The following TRPV1 variants were observed in gnomAD, a reference collection of about 807,000 sequenced individuals.
TRPV1 encodes the protein transient receptor potential cation channel subfamily V member 1, also known as OTRPC1.
In TRPV1, 82 loss-of-function variants were observed where a neutral mutation model predicts 82.3. The ratio of observed to expected loss-of-function variants is 1.00; its 90% CI spans 0.83 to 1.20. TRPV1 has a LOEUF of 1.20. Ranked by LOEUF, TRPV1 falls within the 50% of genes most tolerant of loss-of-function variation. TRPV1 has a pLI of 0.00. For missense variants in TRPV1, 1,067 were observed against 1,096.8 expected, an observed-to-expected ratio of 0.97 and a Z score of 0.38; for synonymous variants, 515 against 467.7, an observed-to-expected ratio of 1.10 and a Z score of -1.30.
At chr17:3,593,799 G>A (rs2075190507) in intron 2 of TRPV1, among the ~76,000 whole-genome samples, 1 of 152,094 alleles carries the variant, frequency 6.6e-6, no homozygotes, top group African/African-American at 2.4e-5. Context: ...CTCCTCCTGG[G>A]CAGGGACCTT....
At chr17:3,604,928 C>A (rs1281109044) in intron 2 of TRPV1, among the ~76,000 whole-genome samples, 1 of 152,136 alleles carries the variant, frequency 6.6e-6, no homozygotes, top group African/African-American at 2.4e-5. Context: ...TCCCCTCAGG[C>A]GGGCATGCAA....
rs201927103 is a variant in TRPV1 at position 3,572,134 on chromosome 17, C to T, written c.2219G>A (p.Arg740Gln). The T allele has an allele frequency of 9.0e-5, 146 of 1,613,412 alleles. No individual in the cohort carries two copies. The highest frequency in any genetic ancestry group is 3.3e-4 in the Middle Eastern group (2 of 6,060). ...GYTPDGKDDY[R>Q]WCFRVDEVNW... ...GCCTGGGCATTACCTGAAGCACCAC[C>T]GGTAGTCGTCCTTGCCATCAGGTGT... The change falls in exon 15 of 17, where the codon CGG becomes CAG. Residue 740 changes from arginine (R) to glutamine (Q), a missense_variant. Transcript: ENST00000572705.
At chr17:3,574,658 T>C (rs1652115692) in intron 13 of TRPV1, among the ~76,000 whole-genome samples, 1 of 151,940 alleles carries the variant, frequency 6.6e-6, no homozygotes, top group Non-Finnish European at 1.5e-5. Context: ...GCTCAAAAAA[T>C]GATGTGGAGG....
intron 2 of TRPV1, among the ~76,000 whole-genome samples, chr17:3,606,633 C>T (rs141046840): frequency 3.3e-5 from 5 of 152,250 alleles, no homozygotes; most frequent in African/African-American, 9.6e-5. Context: ...GGGTTGTGCA[C>T]GTGGTTGTGA....
intron 2 of TRPV1, among the ~76,000 whole-genome samples, chr17:3,605,667 C>A (rs1167417231): frequency 6.6e-6 from 1 of 152,150 alleles, no homozygotes; most frequent in Non-Finnish European, 1.5e-5. Context: ...GAATGAATTT[C>A]TCCTCCCTCT....
intron 2 of TRPV1, among the ~76,000 whole-genome samples, chr17:3,594,903 G>A (rs1371037893): frequency 6.6e-6 from 1 of 152,182 alleles, no homozygotes; most frequent in South Asian, 2.1e-4. Context: ...AGACAGGGAA[G>A]CCTAGAGCAG....
Position 3,573,538 on chromosome 17 carries a change from A to ACCCCCC in TRPV1, c.2103+94_2103+95insGGGGGG. 3 of 248,458 alleles carry ACCCCCC rather than the reference A, an allele frequency of 1.2e-5. 1 individual carries two copies. The highest frequency in any genetic ancestry group is 2.4e-5 in the Non-Finnish European group (3 of 127,014). 15.4% of individuals were successfully genotyped at this position (248,458 alleles called of 1,614,324 possible). A position where few individuals can be genotyped will look rare whatever the true frequency, so the allele number is the denominator to read the frequency against. On this transcript the variant is annotated intron_variant, in intron 14 of 16. Coordinates refer to ENST00000572705, the MANE Select transcript of TRPV1 (RefSeq NM_080704.4). ...ACCCTCCTGGCCACACACCGCCCCC[A>ACCCCCC]CCACCCACCCACCTGCAGCCAGCTG... is the stretch of plus-strand genomic sequence containing the variant.
At chr17:3,589,290 T>G (rs2075123964) in intron 7 of TRPV1, among the ~76,000 whole-genome samples, 1 of 147,536 alleles carries the variant, frequency 6.8e-6, no homozygotes, top group East Asian at 2.0e-4. Flanking sequence ...CACTGCCACC[T>G]CCGCCTCCCA....
Position 3,591,182 on chromosome 17 carries a change from G to A in TRPV1, c.451+5C>T. 1 of 1,608,938 alleles carries A rather than the reference G, an allele frequency of 6.2e-7. No homozygotes were observed. The highest frequency in any genetic ancestry group is 8.5e-7 in the Non-Finnish European group (1 of 1,177,814). On this transcript the variant is annotated splice_donor_5th_base_variant and intron_variant, in intron 4 of 16. Transcript: ENST00000572705. ...GGCCCTCCCCGAGCCCAGCGCTGGG[G>A]CCACCTTTGAACTCGTTGTCTGTGA...
At chr17:3,569,862 C>T (rs1157471208) in intron 16 of TRPV1, among the ~76,000 whole-genome samples, 1 of 150,896 alleles carries the variant, frequency 6.6e-6, no homozygotes, top group Non-Finnish European at 1.5e-5. Flanking sequence ...CTCTGTCCCA[C>T]TTTCATAAAG....
At chr17:3,594,158 AGCAGCAGC>A (rs2075196635) in intron 2 of TRPV1, among the ~76,000 whole-genome samples, 1 of 116,258 alleles carries the variant, frequency 8.6e-6, no homozygotes, top group African/African-American at 7.2e-5. Context: ...AAAAAGAAGC[AGCAGCAGC>A]AGCAGCAGCA....
At chr17:3,603,450 T>G (rs750533890) in intron 2 of TRPV1, among the ~76,000 whole-genome samples, 16 of 152,206 alleles carry the variant, frequency 1.1e-4, no homozygotes, top group Non-Finnish European at 2.1e-4. Flanking sequence ...GGCCCGCGTG[T>G]GCTAGATGCC....
intron 2 of TRPV1, among the ~76,000 whole-genome samples, chr17:3,605,822 G>A (rs1012891227): frequency 3.3e-5 from 5 of 152,116 alleles, no homozygotes; most frequent in African/African-American, 9.7e-5. Context: ...ACTACTGGGC[G>A]CTCAGAAAAT....
At chr17:3,594,666 T>C (rs1056038485) in intron 2 of TRPV1, among the ~76,000 whole-genome samples, 1 of 152,238 alleles carries the variant, frequency 6.6e-6, no homozygotes, top group Admixed American at 6.5e-5. Flanking sequence ...GAAAGCCGAT[T>C]CCCTCATCTC....
At chr17:3,570,744 C>T (rs576981151) in intron 16 of TRPV1, among the ~76,000 whole-genome samples, 2 of 152,194 alleles carry the variant, frequency 1.3e-5, no homozygotes, top group East Asian at 1.9e-4. Flanking sequence ...GACAGAGTCT[C>T]GTTCTGTTGC....
chr17:3,590,080 C>G lies in TRPV1; in HGVS notation c.771G>C (p.Ala257=). 1 of 1,606,094 alleles carries G rather than the reference C, an allele frequency of 6.2e-7. No individual in the cohort carries two copies. The highest frequency in any genetic ancestry group is 8.5e-7 in the Non-Finnish European group (1 of 1,176,562). ...TCACGATGCCCAGCTGGTTGGTGCA[C>G]GCGGCCAGGGACAGGGGCAGTTCAC... The part of the protein sequence containing the change: ...YFGELPLSLA[A]CTNQLGIVKF... Residue 257 remains alanine, a synonymous_variant, in exon 7 of 17, where the codon GCG becomes GCC. Coordinates refer to ENST00000572705, the MANE Select transcript of TRPV1 (RefSeq NM_080704.4).
intron 2 of TRPV1, among the ~76,000 whole-genome samples, chr17:3,605,074 C>T (rs1827967616): frequency 6.6e-6 from 1 of 152,226 alleles, no homozygotes; most frequent in South Asian, 2.1e-4. Flanking sequence ...TTTACCTAGC[C>T]TGACCCCACT....
chr17:3,598,644 C>A (rs1229237028), intron 2 of TRPV1, among the ~76,000 whole-genome samples: 1 of 149,632 alleles, frequency 6.7e-6, no homozygotes, highest in African/African-American at 2.5e-5. Context: ...CGGCTCACTG[C>A]AACCTCTGCC....
chr17:3,592,948 A>G (rs2075179205), intron 2 of TRPV1: 1 of 152,678 alleles, frequency 6.5e-6, no homozygotes, highest in African/African-American at 2.4e-5. Flanking sequence ...ATCATCAGCC[A>G]GGTGCCCGGC....
Sources: gnomAD v4.1 joint callset for allele counts (sites outside exome capture counted in the v4.1 genomes callset) on GRCh38, gnomAD v4.1.1 for gene constraint, MANE v1.5 for transcripts, NCBI Gene and HGNC (gene_info 2026-07-23, HGNC 2026-07-21) for gene names.